Variants in PCDH11X observed in about 807,000 individuals in gnomAD.
The protein encoded by PCDH11X is protocadherin 11 X-linked.
In PCDH11X, 18 loss-of-function variants were observed where a neutral mutation model predicts 53.3. The ratio of observed to expected loss-of-function variants is 0.34; its 90% CI spans 0.23 to 0.50. The LOEUF is 0.50. Among genes scored for constraint, PCDH11X ranks in the 20% least tolerant of loss-of-function variants. The probability of loss-of-function intolerance (pLI) is 0.98; values close to 1 mark genes in which losing one functional copy is unlikely to be tolerated. For synonymous variants in PCDH11X, 279 were observed against 393.3 expected, an observed-to-expected ratio of 0.71 and a Z score of 3.44; for missense variants, 570 against 1,032.4, an observed-to-expected ratio of 0.55 and a Z score of 6.14.
At chrX:92,166,678 G>A (rs1004640944) in intron 6 of PCDH11X, among the ~76,000 whole-genome samples, 3 of 109,911 alleles carry the variant, frequency 2.7e-5, no homozygotes, top group African/African-American at 6.6e-5. Flanking sequence ...CAGGAGAATC[G>A]CTTGAGCCCA....
chrX:92,076,677 A>T (rs921918935), intron 6 of PCDH11X, among the ~76,000 whole-genome samples: 1 of 111,737 alleles, frequency 8.9e-6, no homozygotes, highest in Non-Finnish European at 1.9e-5. Flanking sequence ...AGTAAATCCA[A>T]ATTAAGTCAT....
chrX:92,273,968 G>A (rs1231462621), intron 8 of PCDH11X, among the ~76,000 whole-genome samples: 1 of 109,160 alleles, frequency 9.2e-6, no homozygotes, highest in East Asian at 2.9e-4. Context: ...CAGCTGTGAT[G>A]GCTTGGAGAA....
intron 5 of PCDH11X, among the ~76,000 whole-genome samples, chrX:91,870,243 T>A (rs1488497867): frequency 8.9e-6 from 1 of 111,779 alleles, no homozygotes; most frequent in African/African-American, 3.2e-5. Context: ...GACATTTCAA[T>A]CTGAGTGCAC....
In PCDH11X at chrX:92,101,734, CG is replaced by C. The variant is rs967887306; in HGVS notation, c.3034-99638del. Among the ~76,000 whole-genome samples the C allele has an allele frequency of 4.5e-5, 5 of 109,913 alleles. 1 individual carries two copies. The highest frequency in any genetic ancestry group is 1.7e-4 in the African/African-American group (5 of 29,868). On this transcript the variant is annotated intron_variant, in intron 6 of 10. Coordinates refer to ENST00000682573, the MANE Select transcript of PCDH11X (RefSeq NM_032968.5). ...TAAGAGGTATTTTAGTTTCCTGACT[CG>C]GGCATGTTGAGTAAAGCTAATTTGC... is the stretch of plus-strand genomic sequence containing the variant.
intron 6 of PCDH11X, among the ~76,000 whole-genome samples, chrX:91,910,792 A>G (rs1266926429): frequency 1.8e-5 from 2 of 111,868 alleles, no homozygotes; most frequent in Admixed American, 1.9e-4. Context: ...TCTCATCATT[A>G]TTTAAAATGT....
intron 10 of PCDH11X, among the ~76,000 whole-genome samples, chrX:92,489,146 G>T (rs1304929967): frequency 9.2e-6 from 1 of 108,972 alleles, no homozygotes; most frequent in Non-Finnish European, 1.9e-5. Flanking sequence ...TTAACTTTTA[G>T]TATCACAATA....
At chrX:92,507,710 A>T (rs1370400009) in intron 10 of PCDH11X, among the ~76,000 whole-genome samples, 1 of 112,101 alleles carries the variant, frequency 8.9e-6, no homozygotes, top group Non-Finnish European at 1.9e-5. Flanking sequence ...AGGAAGAGGA[A>T]GCACTGCTTT....
At chrX:92,325,384 G>A (rs1344941358) in intron 8 of PCDH11X, among the ~76,000 whole-genome samples, 1 of 110,860 alleles carries the variant, frequency 9.0e-6, no homozygotes, top group Non-Finnish European at 1.9e-5. Flanking sequence ...ATTTTAAAAA[G>A]AAGTATTATA....
chrX:92,011,140 G>A (rs1346196905), intron 6 of PCDH11X, among the ~76,000 whole-genome samples: 1 of 111,754 alleles, frequency 8.9e-6, no homozygotes, highest in Non-Finnish European at 1.9e-5. Flanking sequence ...GGGTATCTAG[G>A]TTGATTCCAT....
intron 6 of PCDH11X, among the ~76,000 whole-genome samples, chrX:92,103,777 G>A (rs888291614): frequency 1.8e-5 from 2 of 112,205 alleles, no homozygotes; most frequent in Non-Finnish European, 3.8e-5. Context: ...GTGTGCTGGA[G>A]ATGTGGCTGG....
At chrX:92,464,151 G>T (rs374405032) in intron 9 of PCDH11X, among the ~76,000 whole-genome samples, 2 of 111,326 alleles carry the variant, frequency 1.8e-5, no homozygotes, top group Non-Finnish European at 3.8e-5. Flanking sequence ...AATATACAGG[G>T]ATACATAATT....
At chrX:91,872,620 A>G (rs1285225140) in intron 5 of PCDH11X, among the ~76,000 whole-genome samples, 3 of 107,409 alleles carry the variant, frequency 2.8e-5, no homozygotes, top group Non-Finnish European at 5.8e-5. Context: ...GTTTGCCCCT[A>G]TACACAGAAA....
chrX:91,961,944 A>G (rs2061793654), intron 6 of PCDH11X, among the ~76,000 whole-genome samples: 1 of 110,787 alleles, frequency 9.0e-6, no homozygotes, highest in African/African-American at 3.3e-5. Flanking sequence ...CTCACTCACT[A>G]TCATGAGAAC....
At chrX:92,333,099 A>G (rs778786489) in intron 8 of PCDH11X, among the ~76,000 whole-genome samples, 13 of 109,373 alleles carry the variant, frequency 1.2e-4, no homozygotes, top group African/African-American at 4.0e-4. Flanking sequence ...TTTGCTAAAA[A>G]CTATTAGGGT....
intron 5 of PCDH11X, among the ~76,000 whole-genome samples, chrX:91,841,717 A>G (rs1937524316): frequency 9.1e-6 from 1 of 110,344 alleles, no homozygotes; most frequent in African/African-American, 3.3e-5. Flanking sequence ...AATGCTAATA[A>G]TCTAAGATTA....
intron 6 of PCDH11X, among the ~76,000 whole-genome samples, chrX:92,129,221 G>T (rs1218830356): frequency 9.1e-6 from 1 of 109,903 alleles, no homozygotes; most frequent in African/African-American, 3.3e-5. Context: ...AGAAGCCCCT[G>T]TCTCTACTAA....
At chrX:92,537,025 G>A (rs2074671406) in intron 10 of PCDH11X, among the ~76,000 whole-genome samples, 2 of 111,045 alleles carry the variant, frequency 1.8e-5, no homozygotes, top group Non-Finnish European at 3.8e-5. Context: ...TCTATTGCCT[G>A]TTTTGAATTG....
Position 92,622,727 on chromosome X carries a change from A to AATT in PCDH11X, c.*3788_*3790dup, listed in dbSNP as rs752745765. On this transcript the variant is annotated 3_prime_UTR_variant, in exon 11 of 11. Coordinates refer to ENST00000682573, the MANE Select transcript of PCDH11X (RefSeq NM_032968.5). Reference sequence around the variant, plus strand: ...TATGTGCCAATTACCACACCAGATCAATTTTATGCAGAGGCCTTAAAATAT... The same window carrying AATT: ...TATGTGCCAATTACCACACCAGATCAATTATTTTATGCAGAGGCCTTAAAATAT... 6.4e-5 allele frequency: 7 copies of AATT among 110,050 alleles called. No individual in the cohort carries two copies. Among genetic ancestry groups the AATT allele is most frequent in the Non-Finnish European group, 1.3e-4 (7 of 52,491 alleles). The allele number at this position is 110,050 out of a possible 1,213,427, so 9.1% of individuals were successfully genotyped here. A position where few individuals can be genotyped will look rare whatever the true frequency, so the allele number is the denominator to read the frequency against.
intron 9 of PCDH11X, among the ~76,000 whole-genome samples, chrX:92,402,926 C>A (rs1229609359): frequency 8.9e-6 from 1 of 111,756 alleles, no homozygotes; most frequent in Non-Finnish European, 1.9e-5. Context: ...GTATTTTCAA[C>A]TATGCATTTG....
Sources: allele counts gnomAD v4.1 joint callset (sites outside exome capture counted in the v4.1 genomes callset), GRCh38; gene constraint gnomAD v4.1.1; transcripts MANE v1.5; gene names NCBI Gene and HGNC (gene_info 2026-07-23, HGNC 2026-07-21).